ILKAP: variants seen among roughly 807,000 people sequenced by gnomAD.
ILKAP encodes ILK associated serine/threonine phosphatase.
A neutral mutation model predicts 49.1 loss-of-function variants in ILKAP; 11 were observed. The ratio of observed to expected loss-of-function variants is 0.22; its 90% CI spans 0.14 to 0.37. The LOEUF is 0.37. ILKAP is among the 10% of genes least tolerant of loss of function. The pLI, the probability that ILKAP is intolerant of heterozygous loss-of-function variation, is 1.00. For missense variants in ILKAP, 363 were observed against 510.8 expected (o/e 0.71, Z 2.79); for synonymous variants, 186 against 192.8 (o/e 0.96, Z 0.29).
chr2:238,173,458 T>A (rs1693314184), intron 10 of ILKAP, 76 bp downstream of exon 10: 13 of 1,568,038 alleles, frequency 8.3e-6, no homozygotes, highest in Non-Finnish European at 1.1e-5. Flanking sequence ...CAACAAAGGC[T>A]TGATAGAAAC....
At chr2:238,182,223 G>T in intron 8 of ILKAP, 37 bp from the exon 9 acceptor site, 1 of 1,610,718 alleles carries the variant, frequency 6.2e-7, no homozygotes, top group Non-Finnish European at 8.5e-7. Context: ...ATGAAATTCA[G>T]TGGGCGCAGC....
intron 1 of ILKAP, 33 bp downstream of exon 1, chr2:238,203,466 T>C (rs1296958096): frequency 4.9e-6 from 6 of 1,214,878 alleles, no homozygotes; most frequent in African/African-American, 4.9e-5. Context: ...CTGCTCTCCC[T>C]TCCCTGGCCG....
intron 1 of ILKAP, among the ~76,000 whole-genome samples, chr2:238,200,755 C>T (rs1210632509): frequency 1.3e-5 from 2 of 152,180 alleles, no homozygotes; most frequent in African/African-American, 4.8e-5. Flanking sequence ...CCACGGAGGT[C>T]GAGACTGCAG....
At chr2:238,193,462 C>G (rs1238548725) in intron 3 of ILKAP, among the ~76,000 whole-genome samples, 2 of 152,222 alleles carry the variant, frequency 1.3e-5, no homozygotes, top group African/African-American at 4.8e-5. Flanking sequence ...CTCAAGTGAT[C>G]TACCCGCCTT....
rs774339313 is a variant in ILKAP at position 238,184,031 on chromosome 2, T to C, written c.615A>G (p.Gln205=). Residue 205 remains glutamine (Q), a synonymous_variant, in exon 7 of 12, where the codon CAA becomes CAG. Transcript: ENST00000254654. ...CAAGTTATACTTACTGGCTGGAAGC[T>C]TGTTTAAGGAACTCTTCATCAGTAT... ...FKHTDEEFLK[Q]ASSQKPAWKD... 3 of 1,602,252 alleles carry C rather than the reference T, an allele frequency of 1.9e-6. No individual in the cohort carries two copies. The highest frequency in any genetic ancestry group is 4.5e-5 in the East Asian group (2 of 44,840).
intron 9 of ILKAP, among the ~76,000 whole-genome samples, chr2:238,177,903 C>T (rs572398676): frequency 6.6e-6 from 1 of 152,268 alleles, no homozygotes; most frequent in Admixed American, 6.5e-5. Flanking sequence ...ATACTGTTTT[C>T]CATAGTGGCT....
At chr2:238,172,062 T>C (rs989819058) in intron 10 of ILKAP, among the ~76,000 whole-genome samples, 11 of 152,074 alleles carry the variant, frequency 7.2e-5, no homozygotes, top group Non-Finnish European at 1.0e-4. Context: ...GCTGCTGCTG[T>C]TGTTGTTGAG....
chr2:238,181,458 A>G (rs977809070), intron 9 of ILKAP, among the ~76,000 whole-genome samples: 2 of 152,230 alleles, frequency 1.3e-5, no homozygotes, highest in African/African-American at 2.4e-5. Flanking sequence ...GAGTGAAATG[A>G]AACTGCAAAA....
intron 9 of ILKAP, among the ~76,000 whole-genome samples, chr2:238,176,124 G>C (rs1693442876): frequency 7.9e-6 from 1 of 126,154 alleles, no homozygotes; most frequent in African/African-American, 3.0e-5. Context: ...ACAATGCTTA[G>C]CAAGTAGTGG....
At chr2:238,199,532 G>C (rs1045156444) in intron 1 of ILKAP, among the ~76,000 whole-genome samples, 1 of 152,028 alleles carries the variant, frequency 6.6e-6, no homozygotes. Context: ...TACATCCTTT[G>C]ACCATTTTTC....
chr2:238,188,287 C>T (rs1693984627), intron 4 of ILKAP, 30 bp from the exon 5 acceptor site: 1 of 1,607,106 alleles, frequency 6.2e-7, no homozygotes, highest in Non-Finnish European at 8.5e-7. Flanking sequence ...AGAGCCAATA[C>T]AAAACTGTGC....
rs1335557696 is a variant in ILKAP at position 238,170,550 on chromosome 2, G to A, written c.1165C>T (p.Arg389Trp). 1.2e-6 allele frequency: 2 copies of A among 1,602,860 alleles called. No individual in the cohort carries two copies. ...CGCGCCACCCCTCAGTGCCCTATCC[G>A]CACCACCATCACAGTGACGTTGTCG... is the stretch of plus-strand genomic sequence containing the variant. ...SADNVTVMVV[R>W]IGH Residue 389 changes from arginine to tryptophan, a missense_variant, in exon 12 of 12, where the codon CGG becomes TGG. Physicochemically the swap from Arg to Trp is moderately radical, Grantham distance 101. Transcript: ENST00000254654.
chr2:238,194,363 C>A, intron 2 of ILKAP, 32 bp from the exon 3 acceptor site: 1 of 1,605,346 alleles, frequency 6.2e-7, no homozygotes, highest in Non-Finnish European at 8.5e-7. Flanking sequence ...AGTGAGCCCA[C>A]AAAAAATATG....
chr2:238,194,271 T>TTACC lies in ILKAP; in HGVS notation c.178_178+3dup. The TTACC allele has an allele frequency of 1.2e-6, 2 of 1,613,698 alleles. No homozygotes were observed. The highest frequency in any genetic ancestry group is 1.7e-6 in the Non-Finnish European group (2 of 1,179,596). The stretch of plus-strand genomic sequence containing the variant: ...CAGCACCTTGGATTTTTCCTACCAC[T>TTACC]TACCTGAATCGCCACTGCTAGCGGG... On this transcript the variant is annotated splice_donor_region_variant and intron_variant, in intron 3 of 11. Transcript: ENST00000254654.
Position 238,194,341 on chromosome 2 carries a change from A to G in ILKAP, c.122-10T>C. ...AAAGGTCCCCCTGATCCTGAAACAC[A>G]GCAGAACACTTAGTGAGCCCACAAA... On this transcript the variant is annotated splice_polypyrimidine_tract_variant and intron_variant, in intron 2 of 11. Transcript: ENST00000254654. 6.2e-7 allele frequency: 1 copy of G among 1,613,906 alleles called. No homozygotes were observed. The highest frequency in any genetic ancestry group is 1.1e-5 in the South Asian group (1 of 91,058).
intron 1 of ILKAP, among the ~76,000 whole-genome samples, chr2:238,201,071 A>G (rs920663679): frequency 2.0e-5 from 3 of 152,256 alleles, no homozygotes; most frequent in Non-Finnish European, 2.9e-5. Flanking sequence ...TTTATTGTTC[A>G]CTGCATTAGA....
chr2:238,172,031 T>G (rs1302702780), intron 10 of ILKAP, among the ~76,000 whole-genome samples: 2 of 152,070 alleles, frequency 1.3e-5, no homozygotes, highest in Non-Finnish European at 2.9e-5. Context: ...TTGTGTTTTT[T>G]TTTCTTTGTT....
At chr2:238,194,187 C>T in intron 3 of ILKAP, 88 bp downstream of exon 3, 1 of 1,144,422 alleles carries the variant, frequency 8.7e-7, no homozygotes. Flanking sequence ...CATCCAAAAT[C>T]CCGTTAAAAC....
At chr2:238,198,404 A>C (rs1210869694) in intron 1 of ILKAP, among the ~76,000 whole-genome samples, 2 of 149,894 alleles carry the variant, frequency 1.3e-5, no homozygotes, top group African/African-American at 5.1e-5. Flanking sequence ...ATGCCCAGCT[A>C]ATTTTTTAAC....
Sources: allele counts gnomAD v4.1 joint callset (sites outside exome capture counted in the v4.1 genomes callset), GRCh38; gene constraint gnomAD v4.1.1; transcripts MANE v1.5; gene names NCBI Gene and HGNC (gene_info 2026-07-23, HGNC 2026-07-21).